The following ESCO2 variants were observed in gnomAD, a reference collection of about 807,000 sequenced individuals.
The protein encoded by ESCO2 is N-acetyltransferase ESCO2.
Under a neutral mutation model 61.7 loss-of-function variants are expected in ESCO2, and 51 were observed. The observed-to-expected ratio is 0.83, with a 90% confidence interval of 0.66 to 1.04. The LOEUF is 1.04. ESCO2 is among the 50% of genes least tolerant of loss of function. The probability of loss-of-function intolerance (pLI) is 0.00; values close to 1 mark genes in which losing one functional copy is unlikely to be tolerated. For synonymous variants in ESCO2, 230 were observed against 238.2 expected (o/e 0.97, Z 0.32); for missense variants, 692 against 686.2 (o/e 1.01, Z -0.09).
chr8:27,772,610 G>C (rs1379648325), upstream of ESCO2: 1 of 1,486,040 alleles, frequency 6.7e-7, no homozygotes, highest in South Asian at 1.2e-5. Context: ...CAGGATACCA[G>C]ACTCGCGGCG....
chr8:27,780,144 G>A (rs562087769), intron 3 of ESCO2, 30 bp from the exon 4 acceptor site: 3 of 1,350,902 alleles, frequency 2.2e-6, no homozygotes, highest in Non-Finnish European at 3.2e-6. Context: ...AATTACAGAT[G>A]TTTGGTTTTT....
downstream of ESCO2, chr8:27,808,358 G>A: frequency 2.8e-6 from 1 of 362,778 alleles, no homozygotes; most frequent in Non-Finnish European, 4.5e-6. Flanking sequence ...CCACTTGAGA[G>A]AAGGCTATTT....
downstream of ESCO2, among the ~76,000 whole-genome samples, chr8:27,817,404 G>A (rs1452447518): frequency 6.6e-6 from 1 of 151,978 alleles, no homozygotes; most frequent in Non-Finnish European, 1.5e-5. Context: ...CCTTTCAGAC[G>A]ACAGTTTGGA....
chr8:27,797,150 T>C (rs917316481), intron 9 of ESCO2, among the ~76,000 whole-genome samples: 2 of 152,194 alleles, frequency 1.3e-5, no homozygotes, highest in African/African-American at 4.8e-5. Context: ...ATTGATTTTC[T>C]GTCTGGACGA....
downstream of ESCO2, among the ~76,000 whole-genome samples, chr8:27,808,493 G>T (rs928905219): frequency 6.6e-6 from 1 of 151,120 alleles, no homozygotes; most frequent in Non-Finnish European, 1.5e-5. Flanking sequence ...GAGCAACTTG[G>T]TAAAACCCTG....
At chr8:27,788,999 TCA>T in intron 7 of ESCO2, 21 bp downstream of exon 7, 1 of 1,613,870 alleles carries the variant, frequency 6.2e-7, no homozygotes, top group Non-Finnish European at 8.5e-7. Flanking sequence ...ACATAGTCTT[TCA>T]GTTTGTTCTA....
chr8:27,792,977 A>G (rs1414877498), intron 9 of ESCO2, among the ~76,000 whole-genome samples, 166 bp downstream of exon 9: 2 of 152,172 alleles, frequency 1.3e-5, no homozygotes, highest in Non-Finnish European at 2.9e-5. Flanking sequence ...TAATATTTGG[A>G]ATTTTGCTTT....
At chr8:27,801,664 G>A (rs1292283451) in intron 10 of ESCO2, among the ~76,000 whole-genome samples, 4 of 151,922 alleles carry the variant, frequency 2.6e-5, no homozygotes, top group Non-Finnish European at 5.9e-5. Context: ...TTTTTATTCC[G>A]AAATAATTTC....
At chr8:27,791,908 G>GA in intron 7 of ESCO2, 55 bp from the exon 8 acceptor site, 1 of 1,440,424 alleles carries the variant, frequency 6.9e-7, no homozygotes, top group Non-Finnish European at 9.7e-7. Flanking sequence ...ATTTAATGTT[G>GA]GTTTTTTTTC....
At chr8:27,788,533 C>T (rs1436973863) in intron 6 of ESCO2, among the ~76,000 whole-genome samples, 4 of 49,196 alleles carry the variant, frequency 8.1e-5, no homozygotes, top group African/African-American at 2.9e-4. Flanking sequence ...CTTTTTTTTC[C>T]CCCCCCAAAG....
At chr8:27,787,839 T>C (rs751864388) in intron 5 of ESCO2, 46 bp from the exon 6 acceptor site, 4 of 1,456,798 alleles carry the variant, frequency 2.7e-6, no homozygotes, top group Non-Finnish European at 2.9e-6. Context: ...TCCCTTGTAA[T>C]TCCTCCAAAA....
At chr8:27,772,616 C>T (rs1194366968), upstream of ESCO2, 3 of 1,459,034 alleles carry the variant, frequency 2.1e-6, no homozygotes, top group Non-Finnish European at 2.8e-6. Flanking sequence ...ACCAGACTCG[C>T]GGCGGCCGCC....
downstream of ESCO2, chr8:27,811,185 GC>G: frequency 6.4e-7 from 1 of 1,556,422 alleles, no homozygotes; most frequent in South Asian, 1.1e-5. Flanking sequence ...TCACGAAAAG[GC>G]AAGCAACCCA....
downstream of ESCO2, chr8:27,810,955 T>C (rs749905510): frequency 1.6e-5 from 24 of 1,534,818 alleles, no homozygotes; most frequent in Non-Finnish European, 2.1e-5. Flanking sequence ...ATTGTATTCA[T>C]ACCTTCATCA....
rs557326183 is a variant in ESCO2 at position 27,787,668 on chromosome 8, A to G, written c.1014-217A>G. Among the ~76,000 whole-genome samples, 3 of 152,320 alleles carry G rather than the reference A, an allele frequency of 2.0e-5. No individual in the cohort carries two copies. The South Asian group carries it at 6.2e-4, about 32-fold the overall frequency. On this transcript the variant is annotated intron_variant, in intron 5 of 10. Transcript: ENST00000305188. ...GTCAGAGGACCAGGATTTGAGTGTT[A>G]ACACTGCCATTTACTAGTTACTTTA...
chr8:27,818,241 A>G, the ESCO2 span, among the ~76,000 whole-genome samples: 1 of 152,246 alleles, frequency 6.6e-6, no homozygotes, highest in Non-Finnish European at 1.5e-5. Flanking sequence ...TTCTAACCTC[A>G]GTAAAACAGC....
chr8:27,777,468 C>A, intron 3 of ESCO2: 1 of 216,802 alleles, frequency 4.6e-6, no homozygotes, highest in Non-Finnish European at 9.1e-6. Context: ...CCGGCTAATT[C>A]TTGCATTTTT....
chr8:27,777,294 C>T (rs1804816694), intron 3 of ESCO2, 125 bp downstream of exon 3: 1 of 870,494 alleles, frequency 1.1e-6, no homozygotes, highest in Non-Finnish European at 1.7e-6. Flanking sequence ...TGTTTAGTTA[C>T]TGTAAGGAGT....
chr8:27,778,533 A>G (rs1225722478), intron 3 of ESCO2: 1 of 152,194 alleles, frequency 6.6e-6, no homozygotes, highest in African/African-American at 2.4e-5. Context: ...TTGTATGAAA[A>G]TTAAGTTTTT....
Sources: allele counts gnomAD v4.1 joint callset (sites outside exome capture counted in the v4.1 genomes callset), GRCh38; gene constraint gnomAD v4.1.1; transcripts MANE v1.5; gene names NCBI Gene and HGNC (gene_info 2026-07-23, HGNC 2026-07-21).